The following HFM1 variants were observed in gnomAD, a reference collection of about 807,000 sequenced individuals.
HFM1 encodes the protein helicase for meiosis 1.
HFM1 carries 169 observed loss-of-function variants against 192.1 expected under a neutral mutation model. The observed-to-expected ratio is 0.88, with a 90% CI of 0.78 to 1.00. The LOEUF is 1.00. Among genes scored for constraint, HFM1 ranks in the 50% least tolerant of loss-of-function variants. HFM1 has a pLI of 0.00. For missense variants in HFM1, 1,661 were observed against 1,668.0 expected, an observed-to-expected ratio of 1.00 and a Z score of 0.07; for synonymous variants, 525 against 537.8, an observed-to-expected ratio of 0.98 and a Z score of 0.33.
intron 21 of HFM1, 45 bp from the exon 22 acceptor site, chr1:91,323,244 A>G: frequency 1.0e-6 from 1 of 982,664 alleles, no homozygotes; most frequent in South Asian, 1.4e-5. Flanking sequence ...TCTATTTTTT[A>G]TTTCCTCTCA....
intron 30 of HFM1, among the ~76,000 whole-genome samples, chr1:91,289,225 G>A (rs1224471455): frequency 1.3e-5 from 2 of 151,524 alleles, no homozygotes; most frequent in African/African-American, 4.9e-5. Context: ...TCCAAGACGG[G>A]GTCGCGGCCG....
At chr1:91,276,518 C>T (rs1666830984) in intron 32 of HFM1, 110 bp downstream of exon 32, 3 of 455,390 alleles carry the variant, frequency 6.6e-6, no homozygotes, top group Middle Eastern at 4.0e-4. Context: ...CTTAGTCAAG[C>T]CCACAAGTAA....
chr1:91,340,791 C>T (rs148094205), intron 20 of HFM1, among the ~76,000 whole-genome samples: 2,905 of 152,142 alleles, frequency 0.019, 49 homozygotes, highest in Non-Finnish European at 0.023. Context: ...GCAGGGGTTG[C>T]TATTCTAATT....
rs554159338 is a variant in HFM1, at chr1:91,382,788, A to G, written c.803-1806T>C. Among the ~76,000 whole-genome samples, 3 of 152,238 alleles carry G rather than the reference A, an allele frequency of 2.0e-5. No individual in the cohort carries two copies. The East Asian group carries it at 5.8e-4, about 29-fold the overall frequency. On this transcript the variant is annotated intron_variant, in intron 6 of 38. Transcript: ENST00000370425. ...AATCAGTATTTCAGCTCATAAGAAAACTCAACTGCTAACATCATTTATCAT... is the reference window on the plus strand; with the variant it reads ...AATCAGTATTTCAGCTCATAAGAAAGCTCAACTGCTAACATCATTTATCAT...
intron 36 of HFM1, among the ~76,000 whole-genome samples, chr1:91,264,359 G>GTTTTTTTTTTTTTTTTTTTTTTT (rs1466938761): frequency 1.3e-4 from 7 of 54,074 alleles, no homozygotes; most frequent in East Asian, 1.2e-3. Context: ...CACAAATTTA[G>GTTTTTTTTTTTTTTTTTTTTTTT]TATTTTTTTT....
chr1:91,330,134 G>GT (rs1653594959), intron 20 of HFM1, among the ~76,000 whole-genome samples: 1 of 152,160 alleles, frequency 6.6e-6, no homozygotes, highest in African/African-American at 2.4e-5. Flanking sequence ...ATTCAGAGGA[G>GT]TAAGACGGTG....
At position 91,385,837 on chromosome 1, in the gene HFM1, G is replaced by A; in HGVS notation, c.495-3C>T. The A allele has an allele frequency of 1.3e-6, 2 of 1,578,800 alleles. No individual in the cohort carries two copies. Among genetic ancestry groups the A allele is most frequent in the Admixed American group, 3.7e-5 (2 of 53,752 alleles). The stretch of plus-strand genomic sequence containing the variant: ...TATTGTCAGATATTTTAAATAATCT[G>A]CAAACAAAAAAAAGACCCACATATT... On this transcript the variant is annotated splice_region_variant and splice_polypyrimidine_tract_variant and intron_variant, in intron 4 of 38. Transcript: ENST00000370425.
chr1:91,349,306 G>T (rs166855), intron 18 of HFM1, among the ~76,000 whole-genome samples: 25 of 151,886 alleles, frequency 1.6e-4, no homozygotes, highest in Non-Finnish European at 3.1e-4. Context: ...AAAATGCCCA[G>T]AAATTCTTTG....
chr1:91,328,695 C>G, intron 20 of HFM1: 1 of 1,601,268 alleles, frequency 6.2e-7, no homozygotes, highest in Non-Finnish European at 8.5e-7. Context: ...AACTGCGGGG[C>G]TGAGGCAGAG....
chr1:91,338,161 C>A, intron 20 of HFM1, among the ~76,000 whole-genome samples: 1 of 152,162 alleles, frequency 6.6e-6, no homozygotes, highest in East Asian at 1.9e-4. Flanking sequence ...GACCTCATGA[C>A]CCCCACAGAC....
At chr1:91,407,799 A>G (rs577009092), upstream of HFM1, among the ~76,000 whole-genome samples, 40 of 152,334 alleles carry the variant, frequency 2.6e-4, 1 homozygote, top group African/African-American at 8.9e-4. Flanking sequence ...GCTGGGACAT[A>G]TGGTAATGCT....
intron 6 of HFM1, among the ~76,000 whole-genome samples, chr1:91,383,839 G>C (rs1661842277): frequency 6.6e-6 from 1 of 152,070 alleles, no homozygotes; most frequent in South Asian, 2.1e-4. Flanking sequence ...AAGTAACTAT[G>C]AGAGGCGATA....
At chr1:91,261,389 C>A in intron 38 of HFM1, 30 bp from the exon 39 acceptor site, 1 of 1,057,836 alleles carries the variant, frequency 9.5e-7, no homozygotes, top group Non-Finnish European at 1.3e-6. Context: ...GTAAAAATAA[C>A]TATTTTTTAA....
At chr1:91,299,540 C>G (rs1261559408) in intron 30 of HFM1, among the ~76,000 whole-genome samples, 1 of 152,264 alleles carries the variant, frequency 6.6e-6, no homozygotes, top group South Asian at 2.1e-4. Flanking sequence ...GGAAGTAAAG[C>G]TCTCCTCAGC....
intron 13 of HFM1, 102 bp from the exon 14 acceptor site, chr1:91,353,401 AC>A (rs1436181170): frequency 1.6e-6 from 1 of 614,822 alleles, no homozygotes; most frequent in African/African-American, 1.9e-5. Flanking sequence ...AAAAATTTTC[AC>A]AATATCATTA....
At chr1:91,350,105 T>A (rs1032011426) in intron 18 of HFM1, among the ~76,000 whole-genome samples, 2 of 152,176 alleles carry the variant, frequency 1.3e-5, no homozygotes, top group African/African-American at 4.8e-5. Flanking sequence ...TTTTAAGTGA[T>A]ATGAGTATTT....
At chr1:91,340,729 T>C (rs529168589) in intron 20 of HFM1, among the ~76,000 whole-genome samples, 45 of 152,084 alleles carry the variant, frequency 3.0e-4, no homozygotes, top group African/African-American at 1.0e-3. Flanking sequence ...ATAACACCCA[T>C]AGGCTTAAAG....
intron 30 of HFM1, among the ~76,000 whole-genome samples, chr1:91,296,620 C>G (rs539553221): frequency 6.6e-6 from 1 of 152,084 alleles, no homozygotes; most frequent in East Asian, 1.9e-4. Flanking sequence ...TTGGGGAGAA[C>G]TGACATCTTT....
At chr1:91,291,015 C>T (rs1668681139) in intron 30 of HFM1, among the ~76,000 whole-genome samples, 2 of 151,970 alleles carry the variant, frequency 1.3e-5, no homozygotes, top group African/African-American at 4.8e-5. Context: ...AGAACGAAGA[C>T]ACAACATACC....
Sources: gnomAD v4.1 joint callset for allele counts (sites outside exome capture counted in the v4.1 genomes callset) on GRCh38, gnomAD v4.1.1 for gene constraint, MANE v1.5 for transcripts, NCBI Gene and HGNC (gene_info 2026-07-23, HGNC 2026-07-21) for gene names.